The following MYO5B variants were observed in gnomAD, a reference collection of about 807,000 sequenced individuals.
MYO5B encodes unconventional myosin-Vb.
Under a neutral mutation model 229.3 loss-of-function variants are expected in MYO5B, and 143 were observed. The ratio of observed to expected loss-of-function variants is 0.62; its 90% CI spans 0.54 to 0.72. The LOEUF (loss-of-function observed/expected upper bound fraction) is 0.72. Ranked by LOEUF, MYO5B falls within the 30% of genes least tolerant of loss-of-function variation. The probability of loss-of-function intolerance (pLI) is 0.00; values close to 1 mark genes in which losing one functional copy is unlikely to be tolerated. For missense variants in MYO5B, 2,321 were observed against 2,331.0 expected (o/e 1.00, Z 0.09); for synonymous variants, 918 against 885.2 (o/e 1.04, Z -0.66).
intron 13 of MYO5B, 25 bp from the exon 14 acceptor site, chr18:49,953,368 G>GAC (rs1424562802): frequency 1.3e-5 from 21 of 1,604,646 alleles, no homozygotes; most frequent in Non-Finnish European, 1.7e-5. Context: ...ACCAGAGAGA[G>GAC]ACACAGTCGT....
intron 39 of MYO5B, among the ~76,000 whole-genome samples, chr18:49,833,313 A>G (rs550685143): frequency 6.6e-6 from 1 of 152,366 alleles, no homozygotes; most frequent in Non-Finnish European, 1.5e-5. Context: ...AGAGCGCCCA[A>G]GCAATGGTTT....
chr18:50,078,555 A>G (rs2031142072), intron 1 of MYO5B, among the ~76,000 whole-genome samples: 1 of 152,142 alleles, frequency 6.6e-6, no homozygotes, highest in African/African-American at 2.4e-5. Flanking sequence ...TACACACACC[A>G]CCACTTTACA....
intron 1 of MYO5B, among the ~76,000 whole-genome samples, chr18:50,142,116 G>C (rs2032426687): frequency 1.3e-5 from 2 of 152,140 alleles, no homozygotes; most frequent in African/African-American, 4.8e-5. Flanking sequence ...GGATCAACTG[G>C]GTTCTGCTGT....
chr18:49,953,984 CTATA>C (rs1477587750), intron 13 of MYO5B, among the ~76,000 whole-genome samples: 3 of 127,188 alleles, frequency 2.4e-5, no homozygotes, highest in South Asian at 2.6e-4. Flanking sequence ...TGTGTATAGA[CTATA>C]TATATACACA....
chr18:50,059,167 C>T (rs958543787), intron 1 of MYO5B, among the ~76,000 whole-genome samples: 4 of 152,232 alleles, frequency 2.6e-5, no homozygotes, highest in African/African-American at 9.7e-5. Context: ...TGGCACGGAA[C>T]AGATGCTCAC....
intron 1 of MYO5B, among the ~76,000 whole-genome samples, chr18:50,161,554 C>T (rs1179134459): frequency 6.6e-6 from 1 of 152,154 alleles, no homozygotes; most frequent in Non-Finnish European, 1.5e-5. Context: ...GGAGTCACTG[C>T]TCTTACCACA....
At chr18:49,920,304 T>A (rs758295350) in intron 17 of MYO5B, among the ~76,000 whole-genome samples, 2 of 152,164 alleles carry the variant, frequency 1.3e-5, no homozygotes, top group Non-Finnish European at 2.9e-5. Flanking sequence ...AGTAGATAAA[T>A]TATATCTAAA....
At chr18:49,878,465 T>C (rs1212577358) in intron 24 of MYO5B, among the ~76,000 whole-genome samples, 3 of 152,192 alleles carry the variant, frequency 2.0e-5, no homozygotes, top group Non-Finnish European at 4.4e-5. Context: ...TCCATCTTGT[T>C]TGAATACTCA....
At chr18:49,830,829 CAAAAAAAAAA>C (rs59785909) in intron 39 of MYO5B, among the ~76,000 whole-genome samples, 3 of 72,950 alleles carry the variant, frequency 4.1e-5, no homozygotes, top group African/African-American at 1.1e-4. Context: ...GACTCTGTCT[CAAAAAAAAAA>C]AAAAAAAAAA....
chr18:49,841,453 T>C lies in MYO5B; in HGVS notation c.4613A>G (p.Lys1538Arg). Reference sequence around the variant, plus strand: ...CGTCATCTCAAAGTCATCATTGTGCTTCTGTGAAAAGAAAAGGACATCCTC... The same window carrying C: ...CGTCATCTCAAAGTCATCATTGTGCCTCTGTGAAAAGAAAAGGACATCCTC... ...TINGIKKVLKKHNDDFEMTSF... is the reference protein window; with the variant it reads ...TINGIKKVLKRHNDDFEMTSF... The change falls in exon 35 of 40, where the codon AAG becomes AGG. Residue 1538 changes from lysine to arginine, a missense_variant and splice_region_variant. Physicochemically the swap from Lys to Arg is conservative, Grantham distance 26 (BLOSUM62 2). Transcript: ENST00000285039. The C allele has an allele frequency of 6.2e-7, 1 of 1,614,066 alleles. No individual in the cohort carries two copies. Among genetic ancestry groups the C allele is most frequent in the Non-Finnish European group, 8.5e-7 (1 of 1,179,912 alleles).
intron 4 of MYO5B, among the ~76,000 whole-genome samples, chr18:50,019,286 G>T (rs2026250031): frequency 6.6e-6 from 1 of 152,172 alleles, no homozygotes; most frequent in African/African-American, 2.4e-5. Flanking sequence ...TATGAGATGG[G>T]TAACGACTAA....
At chr18:49,944,727 A>G (rs1308676268) in intron 14 of MYO5B, among the ~76,000 whole-genome samples, 1 of 152,022 alleles carries the variant, frequency 6.6e-6, no homozygotes, top group Non-Finnish European at 1.5e-5. Flanking sequence ...CCTGGCTTCT[A>G]TCCACCAAGC....
intron 1 of MYO5B, among the ~76,000 whole-genome samples, chr18:50,170,764 TAAC>T (rs2032910488): frequency 7.8e-6 from 1 of 127,968 alleles, no homozygotes; most frequent in Non-Finnish European, 1.7e-5. Flanking sequence ...AGTATATCGT[TAAC>T]AACACTGCCA....
intron 1 of MYO5B, among the ~76,000 whole-genome samples, chr18:50,149,170 C>T (rs1390484642): frequency 6.6e-6 from 1 of 152,192 alleles, no homozygotes. Context: ...AACCACTGCT[C>T]AATGTAATCA....
chr18:49,839,455 G>A (rs761483732), intron 35 of MYO5B, 161 bp from the exon 36 acceptor site: 5 of 766,190 alleles, frequency 6.5e-6, no homozygotes, highest in Non-Finnish European at 1.1e-5. Context: ...AGTTCTTTGA[G>A]GCCTCATTGA....
chr18:50,056,205 T>C (rs757904093), intron 1 of MYO5B, among the ~76,000 whole-genome samples: 3 of 152,204 alleles, frequency 2.0e-5, no homozygotes, highest in Admixed American at 6.5e-5. Flanking sequence ...CTTGGTAAAG[T>C]AGTGATACAG....
chr18:50,142,189 C>T (rs555547201), intron 1 of MYO5B, among the ~76,000 whole-genome samples: 1 of 152,316 alleles, frequency 6.6e-6, no homozygotes, highest in East Asian at 1.9e-4. Flanking sequence ...GGCTTCTGCT[C>T]CATGTTCATC....
intron 17 of MYO5B, among the ~76,000 whole-genome samples, chr18:49,924,980 A>C (rs2025113077): frequency 6.6e-6 from 1 of 152,218 alleles, no homozygotes; most frequent in South Asian, 2.1e-4. Flanking sequence ...CAAAAATAAA[A>C]TTCTAAAGCC....
chr18:49,961,133 A>G (rs188884936), intron 12 of MYO5B, among the ~76,000 whole-genome samples: 2 of 152,304 alleles, frequency 1.3e-5, no homozygotes, highest in Non-Finnish European at 1.5e-5. Context: ...ATAAAAGTGA[A>G]TCATGAACAG....
Sources: allele counts gnomAD v4.1 joint callset (sites outside exome capture counted in the v4.1 genomes callset), GRCh38; gene constraint gnomAD v4.1.1; transcripts MANE v1.5; gene names NCBI Gene and HGNC (gene_info 2026-07-23, HGNC 2026-07-21).